Variants in TSPAN16 observed in about 807,000 individuals in gnomAD.
TSPAN16 encodes tetraspanin 16, also known as tetraspanin-16.
In TSPAN16, 23 loss-of-function variants were observed where a neutral mutation model predicts 25.2. That is an observed-to-expected ratio of 0.91 (90% CI 0.66 to 1.29). TSPAN16 has a LOEUF of 1.29. TSPAN16 is among the 50% of genes most tolerant of loss of function. The probability of loss-of-function intolerance (pLI) is 0.00; values close to 1 mark genes in which losing one functional copy is unlikely to be tolerated. For synonymous variants in TSPAN16, 123 were observed against 124.4 expected, an observed-to-expected ratio of 0.99 and a Z score of 0.08; for missense variants, 272 against 299.9, an observed-to-expected ratio of 0.91 and a Z score of 0.69.
chr19:11,304,779 C>T (rs1415871122), intron 4 of TSPAN16, among the ~76,000 whole-genome samples: 1 of 151,942 alleles, frequency 6.6e-6, no homozygotes, highest in Non-Finnish European at 1.5e-5. Context: ...CCGCCTCGGC[C>T]TCCCAAAGTG....
intron 4 of TSPAN16, among the ~76,000 whole-genome samples, chr19:11,302,459 G>A (rs2080562588): frequency 6.9e-6 from 1 of 144,088 alleles, no homozygotes; most frequent in Admixed American, 7.2e-5. Context: ...AATCCGGGAG[G>A]CAGAGGCTGC....
At chr19:11,318,452 G>A (rs1024540633), downstream of TSPAN16, among the ~76,000 whole-genome samples, 1 of 143,910 alleles carries the variant, frequency 6.9e-6, no homozygotes, top group Admixed American at 7.1e-5. Flanking sequence ...GAGCCACTGC[G>A]CCCGGCCAGA....
At chr19:11,326,645 C>T in intron 6 of TSPAN16, 1 of 527,444 alleles carries the variant, frequency 1.9e-6, no homozygotes, top group South Asian at 2.5e-5. Flanking sequence ...TCTCTATTGC[C>T]CAGGCCGGGG....
chr19:11,325,762 T>G (rs998926400), intron 6 of TSPAN16, among the ~76,000 whole-genome samples: 1 of 152,144 alleles, frequency 6.6e-6, no homozygotes, highest in Admixed American at 6.6e-5. Flanking sequence ...ATGGGAATGA[T>G]GATCCTACCA....
At chr19:11,325,681 C>T (rs2080808620) in intron 6 of TSPAN16, 3 of 1,179,772 alleles carry the variant, frequency 2.5e-6, no homozygotes, top group Non-Finnish European at 2.4e-6. Context: ...CCTAGTTCTG[C>T]TCTTTATCCT....
At chr19:11,316,960 G>C (rs2080752724), downstream of TSPAN16, among the ~76,000 whole-genome samples, 2 of 151,270 alleles carry the variant, frequency 1.3e-5, no homozygotes, top group Non-Finnish European at 1.5e-5. Context: ...ACAGGCGCCT[G>C]CCACCACGCC....
rs145749824 is a variant in TSPAN16, at chr19:11,296,360, C to T, written c.63C>T (p.Phe21=). ...LKKLLSLLNG[F]VAVSGIILVG... is the part of the protein sequence containing the mutation. ...AACTGTTATCTTTACTCAATGGCTT[C>T]GTGGCTGTAAGTATGTCACAATCCA... The change falls in exon 1 of 7, where the codon TTC becomes TTT. Residue 21 remains phenylalanine (F), a synonymous_variant. Transcript: ENST00000590327. 139 of 1,614,130 alleles carry T rather than the reference C, an allele frequency of 8.6e-5. No homozygotes were observed. The African/African-American group carries it at 1.6e-3, about 18-fold the overall frequency.
At chr19:11,316,972 G>A (rs1369097232), downstream of TSPAN16, among the ~76,000 whole-genome samples, 5 of 149,620 alleles carry the variant, frequency 3.3e-5, no homozygotes, top group East Asian at 9.9e-4. Context: ...CACCACGCCT[G>A]GCTAATTTTT....
chr19:11,313,213 T>C (rs550973368), intron 6 of TSPAN16, among the ~76,000 whole-genome samples: 1 of 152,130 alleles, frequency 6.6e-6, no homozygotes, highest in African/African-American at 2.4e-5. Context: ...TGCAATGACA[T>C]AAGAAAGTAA....
chr19:11,303,587 A>T lies in TSPAN16; in HGVS notation c.450+2279A>T, dbSNP rs959196514. ...AATAAATAAATAAATTAAAAAAAAA[A>T]AAAAAAAAAACTCCTGGCCTCAAGC... On this transcript the variant is annotated intron_variant, in intron 4 of 6. Transcript: ENST00000590327. Among the ~76,000 whole-genome samples the T allele has an allele frequency of 1.6e-4, 23 of 147,900 alleles. 1 individual carries two copies. Among genetic ancestry groups the T allele is most frequent in the African/African-American group, 5.0e-4 (20 of 40,172 alleles).
At chr19:11,298,002 G>C (rs955005225) in intron 1 of TSPAN16, 140 bp from the exon 2 acceptor site, 16 of 793,678 alleles carry the variant, frequency 2.0e-5, no homozygotes, top group Admixed American at 4.7e-5. Flanking sequence ...TACCAAGCTG[G>C]TCTTGAACTC....
At chr19:11,318,937 GC>G (rs905839899), downstream of TSPAN16, among the ~76,000 whole-genome samples, 2 of 152,172 alleles carry the variant, frequency 1.3e-5, no homozygotes, top group African/African-American at 4.8e-5. Flanking sequence ...GTAAGCCACT[GC>G]CCCCAGCCAG....
intron 1 of TSPAN16, among the ~76,000 whole-genome samples, 174 bp downstream of exon 1, chr19:11,296,540 C>A (rs1325897882): frequency 2.0e-5 from 3 of 152,132 alleles, no homozygotes; most frequent in Non-Finnish European, 2.9e-5. Flanking sequence ...TGGGGACCTC[C>A]ATCAACCGAG....
chr19:11,312,184 A>C lies in TSPAN16; in HGVS notation c.649A>C (p.Thr217Pro), dbSNP rs1420625651. 1 of 1,612,408 alleles carries C rather than the reference A, an allele frequency of 6.2e-7. No individual in the cohort carries two copies. Among genetic ancestry groups the C allele is most frequent in the Admixed American group, 1.7e-5 (1 of 59,864 alleles). Residue 217 changes from threonine to proline, a missense_variant, in exon 6 of 7, where the codon ACC becomes CCC. By Grantham distance (38) the Thr-to-Pro change is conservative. Transcript: ENST00000590327. ...LLKITKTQSF[T>P]LSGSSLGAAV... Reference sequence around the variant, plus strand: ...AAAAATCACCAAGACTCAGAGCTTCACCCTGAGTGGGAGCTCTCTGGGAGC... The same window carrying C: ...AAAAATCACCAAGACTCAGAGCTTCCCCCTGAGTGGGAGCTCTCTGGGAGC...
At chr19:11,317,568 C>A (rs943945424), downstream of TSPAN16, among the ~76,000 whole-genome samples, 3 of 151,866 alleles carry the variant, frequency 2.0e-5, no homozygotes, top group Admixed American at 2.0e-4. Context: ...GATCTTGGCT[C>A]ACTGCAACCT....
At chr19:11,317,652 G>C (rs1172448771), downstream of TSPAN16, among the ~76,000 whole-genome samples, 1 of 151,702 alleles carries the variant, frequency 6.6e-6, no homozygotes, top group African/African-American at 2.4e-5. Context: ...GTGCCACCAT[G>C]CCTGGCTAAT....
At chr19:11,306,577 TC>T (rs2080628579) in intron 4 of TSPAN16, 26 bp from the exon 5 acceptor site, 6 of 1,612,252 alleles carry the variant, frequency 3.7e-6, no homozygotes, top group Non-Finnish European at 3.4e-6. Flanking sequence ...AAAGGGACTC[TC>T]CAAGTATTTC....
chr19:11,321,120 G>A (rs1391035290), intron 6 of TSPAN16, among the ~76,000 whole-genome samples: 1 of 151,038 alleles, frequency 6.6e-6, no homozygotes, highest in African/African-American at 2.4e-5. Flanking sequence ...AGTGAGCCAA[G>A]ATGGCACCAC....
chr19:11,304,176 T>C (rs2080600685), intron 4 of TSPAN16, among the ~76,000 whole-genome samples: 1 of 151,526 alleles, frequency 6.6e-6, no homozygotes, highest in South Asian at 2.1e-4. Context: ...AGACTGGCCT[T>C]TAAGTGTTAT....
Sources: gnomAD v4.1 joint callset for allele counts (sites outside exome capture counted in the v4.1 genomes callset) on GRCh38, gnomAD v4.1.1 for gene constraint, MANE v1.5 for transcripts, NCBI Gene and HGNC (gene_info 2026-07-23, HGNC 2026-07-21) for gene names.